The following CRPPA variants were observed in gnomAD, a reference collection of about 807,000 sequenced individuals.
The protein encoded by CRPPA is CDP-L-ribitol pyrophosphorylase A.
CRPPA carries 43 observed loss-of-function variants against 52.0 expected under a neutral mutation model. The ratio of observed to expected loss-of-function variants is 0.83; its 90% CI spans 0.65 to 1.07. The LOEUF is 1.07. CRPPA is among the 50% of genes least tolerant of loss of function. CRPPA has a pLI of 0.00. For missense variants in CRPPA, 629 were observed against 551.7 expected, an observed-to-expected ratio of 1.14 and a Z score of -1.40; for synonymous variants, 250 against 203.5, an observed-to-expected ratio of 1.23 and a Z score of -1.94.
chr7:16,127,774 T>C (rs1391400188), intron 9 of CRPPA, among the ~76,000 whole-genome samples: 1 of 152,150 alleles, frequency 6.6e-6, no homozygotes. Flanking sequence ...GTAACCTGAC[T>C]ATAGTTTTGG....
At chr7:16,258,197 C>T (rs1783693945) in intron 8 of CRPPA, among the ~76,000 whole-genome samples, 193 bp downstream of exon 8, 1 of 151,998 alleles carries the variant, frequency 6.6e-6, no homozygotes, top group Admixed American at 6.6e-5. Context: ...GTCAGTTCAA[C>T]CAAATGATTG....
At chr7:16,253,968 C>T (rs888220259) in intron 8 of CRPPA, among the ~76,000 whole-genome samples, 10 of 152,114 alleles carry the variant, frequency 6.6e-5, no homozygotes, top group Non-Finnish European at 1.5e-4. Flanking sequence ...ATTTATGCAG[C>T]CAACAGACAC....
intron 5 of CRPPA, among the ~76,000 whole-genome samples, chr7:16,281,259 G>C (rs1300683830): frequency 3.3e-5 from 5 of 152,088 alleles, no homozygotes; most frequent in Non-Finnish European, 7.4e-5. Context: ...GTAGTTTCCA[G>C]TGCAGACCCC....
chr7:16,308,402 G>A (rs1006716233), intron 4 of CRPPA, 121 bp downstream of exon 4: 7 of 628,986 alleles, frequency 1.1e-5, no homozygotes, highest in East Asian at 2.7e-5. Flanking sequence ...CACATTGATG[G>A]TTCAGTAAAC....
At chr7:16,288,094 T>C (rs544464255) in intron 5 of CRPPA, among the ~76,000 whole-genome samples, 25 of 152,260 alleles carry the variant, frequency 1.6e-4, no homozygotes, top group African/African-American at 4.8e-4. Flanking sequence ...CTCAGACTTC[T>C]AGCACCCAAA....
intron 2 of CRPPA, among the ~76,000 whole-genome samples, chr7:16,397,711 T>C (rs1234740149): frequency 6.6e-6 from 1 of 152,108 alleles, no homozygotes; most frequent in African/African-American, 2.4e-5. Flanking sequence ...ATGATTGACA[T>C]GCGACCAACG....
At chr7:16,197,889 A>C (rs375410542) in intron 9 of CRPPA, among the ~76,000 whole-genome samples, 2,042 of 149,950 alleles carry the variant, frequency 0.014, 27 homozygotes, top group Non-Finnish European at 0.022. Flanking sequence ...GTGCTGTGTC[A>C]ACTCAGAGTT....
intron 1 of CRPPA, among the ~76,000 whole-genome samples, chr7:16,406,548 T>C (rs1376230914): frequency 2.6e-5 from 4 of 152,230 alleles, no homozygotes; most frequent in Non-Finnish European, 4.4e-5. Context: ...CTAGATAGTG[T>C]TTCATATTAC....
chr7:16,391,734 A>G (rs1476955835), intron 2 of CRPPA, among the ~76,000 whole-genome samples: 2 of 152,172 alleles, frequency 1.3e-5, no homozygotes, highest in Non-Finnish European at 2.9e-5. Context: ...GCAGTGCCCT[A>G]GAATGTTCAC....
At chr7:16,335,258 G>A (rs1243747182) in intron 3 of CRPPA, among the ~76,000 whole-genome samples, 2 of 151,846 alleles carry the variant, frequency 1.3e-5, no homozygotes, top group Non-Finnish European at 2.9e-5. Flanking sequence ...GAGGCAGGAG[G>A]ATAACTGTAA....
rs59719187 is a variant in CRPPA, at chr7:16,318,849, G to T, written c.685-10222C>A. On this transcript the variant is annotated intron_variant, in intron 3 of 9. Coordinates refer to ENST00000407010, the MANE Select transcript of CRPPA (RefSeq NM_001101426.4). Reference sequence around the variant, plus strand: ...AAACTTAATTCACCAGGAGGCCACTGCAAGGGCACAAAAGTAGAATACTAT... The same window carrying T: ...AAACTTAATTCACCAGGAGGCCACTTCAAGGGCACAAAAGTAGAATACTAT... Among the ~76,000 whole-genome samples, 420 of 152,254 alleles carry T rather than the reference G, an allele frequency of 2.8e-3. 2 individuals carry two copies. The highest frequency in any genetic ancestry group is 9.8e-3 in the African/African-American group (409 of 41,552).
chr7:16,173,590 C>T (rs978873584), intron 9 of CRPPA, among the ~76,000 whole-genome samples: 2 of 151,848 alleles, frequency 1.3e-5, no homozygotes, highest in African/African-American at 4.8e-5. Flanking sequence ...ACAAGATGCC[C>T]AATAAAACAG....
chr7:16,349,903 A>G (rs1786103221), intron 3 of CRPPA, among the ~76,000 whole-genome samples: 1 of 152,126 alleles, frequency 6.6e-6, no homozygotes, highest in Non-Finnish European at 1.5e-5. Context: ...GATCTAGGAA[A>G]TCCAAGAGAC....
intron 9 of CRPPA, among the ~76,000 whole-genome samples, chr7:16,099,314 G>GA (rs1184437769): frequency 2.1e-5 from 3 of 145,744 alleles, no homozygotes; most frequent in Non-Finnish European, 4.5e-5. Context: ...GAAAGGGAAG[G>GA]AAAAAACAAA....
chr7:16,342,822 T>G lies in CRPPA; in HGVS notation c.684+33270A>C, dbSNP rs535052123. Among the ~76,000 whole-genome samples the G allele has an allele frequency of 9.1e-3, 1,183 of 130,372 alleles. 45 individuals are homozygous for G. The highest frequency in any genetic ancestry group is 0.035 in the African/African-American group (1,079 of 30,556). The allele number at this position is 130,372 out of a possible 152,430, so 85.5% of individuals were successfully genotyped here. ...ATCTATATAGATATATAGATATACA[T>G]ATATAGATATATAGATATATAGATA... is the stretch of plus-strand genomic sequence containing the variant. On this transcript the variant is annotated intron_variant, in intron 3 of 9. Coordinates refer to ENST00000407010, the MANE Select transcript of CRPPA (RefSeq NM_001101426.4).
chr7:16,364,913 A>C (rs1786552265), intron 3 of CRPPA, among the ~76,000 whole-genome samples: 1 of 152,228 alleles, frequency 6.6e-6, no homozygotes, highest in Non-Finnish European at 1.5e-5. Flanking sequence ...AATATTAAAG[A>C]ATTCCAGTAA....
At chr7:16,175,775 G>A (rs1781283944) in intron 9 of CRPPA, among the ~76,000 whole-genome samples, 1 of 152,096 alleles carries the variant, frequency 6.6e-6, no homozygotes. Context: ...TACAAATGAA[G>A]CAGGGAAAAG....
chr7:16,187,592 G>A (rs1781531515), intron 9 of CRPPA, among the ~76,000 whole-genome samples: 1 of 152,296 alleles, frequency 6.6e-6, no homozygotes, highest in Admixed American at 6.5e-5. Context: ...CAAAGAGCAT[G>A]TATCGACAAT....
At chr7:16,155,516 C>T (rs1413967708) in intron 9 of CRPPA, among the ~76,000 whole-genome samples, 1 of 152,224 alleles carries the variant, frequency 6.6e-6, no homozygotes, top group Non-Finnish European at 1.5e-5. Context: ...CAACTCTCCT[C>T]TTCTGCCCAC....
Sources: allele counts gnomAD v4.1 joint callset (sites outside exome capture counted in the v4.1 genomes callset), GRCh38; gene constraint gnomAD v4.1.1; transcripts MANE v1.5; gene names NCBI Gene and HGNC (gene_info 2026-07-23, HGNC 2026-07-21).